EPM2A: variants seen among roughly 807,000 people sequenced by gnomAD.
EPM2A encodes the protein EPM2A glucan phosphatase, laforin, also known as laforin.
EPM2A carries 21 observed loss-of-function variants against 26.5 expected under a neutral mutation model. The observed-to-expected ratio is 0.79, with a 90% CI of 0.56 to 1.14. The LOEUF (loss-of-function observed/expected upper bound fraction) is 1.14, where lower values mean the gene tolerates loss of function less well. EPM2A is among the 50% of genes most tolerant of loss of function. EPM2A has a pLI of 0.00. For missense variants in EPM2A, 458 were observed against 440.8 expected, an observed-to-expected ratio of 1.04 and a Z score of -0.35; for synonymous variants, 217 against 177.6, an observed-to-expected ratio of 1.22 and a Z score of -1.76.
At chr6:145,668,077 G>A (rs995669730) in intron 2 of EPM2A, among the ~76,000 whole-genome samples, 2 of 149,868 alleles carry the variant, frequency 1.3e-5, no homozygotes, top group African/African-American at 4.9e-5. Flanking sequence ...TGACGAGTTA[G>A]TGGGTGCAGC....
intron 2 of EPM2A, among the ~76,000 whole-genome samples, chr6:145,550,362 TGAAAAGGG>T (rs1031483583): frequency 6.6e-6 from 1 of 151,980 alleles, no homozygotes; most frequent in Non-Finnish European, 1.5e-5. Flanking sequence ...CTCTCTCCTA[TGAAAAGGG>T]GATATAAGCT....
chr6:145,662,930 C>G (rs1213758473), intron 2 of EPM2A, among the ~76,000 whole-genome samples: 4 of 152,154 alleles, frequency 2.6e-5, no homozygotes, highest in Non-Finnish European at 5.9e-5. Flanking sequence ...TGTCAAAATA[C>G]AATCTTAAGA....
intron 4 of EPM2A, among the ~76,000 whole-genome samples, chr6:145,444,511 G>T (rs1350861263): frequency 6.6e-6 from 1 of 152,140 alleles, no homozygotes; most frequent in African/African-American, 2.4e-5. Flanking sequence ...GTTTGCATCA[G>T]TGTTCATCAA....
At chr6:145,680,641 GT>G (rs746592091) in intron 2 of EPM2A, among the ~76,000 whole-genome samples, 50 of 142,394 alleles carry the variant, frequency 3.5e-4, no homozygotes, top group Non-Finnish European at 5.6e-4. Flanking sequence ...AACATGTGGT[GT>G]TTGGTTTTTT....
intron 2 of EPM2A, among the ~76,000 whole-genome samples, chr6:145,582,232 T>C (rs1403848487): frequency 1.3e-5 from 2 of 152,240 alleles, no homozygotes; most frequent in Admixed American, 6.5e-5. Context: ...TTAATTTCCA[T>C]GTTATTGTAT....
chr6:145,426,593 T>C (rs554365773), intron 4 of EPM2A, among the ~76,000 whole-genome samples: 20 of 152,186 alleles, frequency 1.3e-4, no homozygotes, highest in Non-Finnish European at 2.8e-4. Flanking sequence ...AAGAGAAATA[T>C]ACATACCTGT....
chr6:145,551,649 G>A (rs1196980393), intron 2 of EPM2A, among the ~76,000 whole-genome samples: 2 of 152,000 alleles, frequency 1.3e-5, no homozygotes, highest in African/African-American at 4.8e-5. Context: ...TGAGTTGGTT[G>A]TGTCACTCAG....
At chr6:145,523,326 T>C (rs1562368777) in intron 2 of EPM2A, among the ~76,000 whole-genome samples, 1 of 152,190 alleles carries the variant, frequency 6.6e-6, no homozygotes, top group Non-Finnish European at 1.5e-5. Flanking sequence ...CATATTTTGC[T>C]TTATTGTGTT....
At chr6:145,724,100 G>T (rs973292118) in intron 1 of EPM2A, among the ~76,000 whole-genome samples, 1 of 152,044 alleles carries the variant, frequency 6.6e-6, no homozygotes, top group African/African-American at 2.4e-5. Context: ...TAATAGTGGG[G>T]CTGCACTAAC....
chr6:145,703,713 C>A (rs1479464221), intron 1 of EPM2A, among the ~76,000 whole-genome samples: 1 of 152,114 alleles, frequency 6.6e-6, no homozygotes, highest in Non-Finnish European at 1.5e-5. Flanking sequence ...CCATTACTTA[C>A]CTCAAAACCT....
chr6:145,411,027 T>A (rs1299670336), intron 4 of EPM2A, among the ~76,000 whole-genome samples: 1 of 152,102 alleles, frequency 6.6e-6, no homozygotes, highest in Non-Finnish European at 1.5e-5. Context: ...AGATATGAGA[T>A]AAAAGAAGCT....
intron 2 of EPM2A, among the ~76,000 whole-genome samples, chr6:145,572,164 C>T (rs973647311): frequency 1.3e-5 from 2 of 152,210 alleles, no homozygotes; most frequent in African/African-American, 4.8e-5. Flanking sequence ...CCCTTTATCA[C>T]TGTCCTTCAG....
chr6:145,624,436 C>T (rs947611571), downstream of EPM2A, among the ~76,000 whole-genome samples: 2 of 152,204 alleles, frequency 1.3e-5, no homozygotes, highest in African/African-American at 4.8e-5. Flanking sequence ...ACTTCTTACC[C>T]ACTAACAATA....
intron 4 of EPM2A, among the ~76,000 whole-genome samples, chr6:145,421,960 G>A (rs1038157212): frequency 6.7e-6 from 1 of 149,324 alleles, no homozygotes; most frequent in Non-Finnish European, 1.5e-5. Context: ...TATATAAAGT[G>A]AAAACTGATG....
At chr6:145,507,551 GA>G (rs1419281886) in intron 2 of EPM2A, among the ~76,000 whole-genome samples, 1 of 152,160 alleles carries the variant, frequency 6.6e-6, no homozygotes, top group Non-Finnish European at 1.5e-5. Context: ...GAGACACTGG[GA>G]AAAAACTGCA....
At chr6:145,396,265 C>T (rs1778404097) in intron 4 of EPM2A, among the ~76,000 whole-genome samples, 1 of 152,094 alleles carries the variant, frequency 6.6e-6, no homozygotes, top group South Asian at 2.1e-4. Context: ...AACCCACTAC[C>T]CCTCCTTCTT....
chr6:145,433,166 T>C (rs1778943244), intron 4 of EPM2A, among the ~76,000 whole-genome samples: 1 of 152,206 alleles, frequency 6.6e-6, no homozygotes, highest in Admixed American at 6.5e-5. Flanking sequence ...GCATTTTAAT[T>C]TCCTTCAAGA....
intron 2 of EPM2A, among the ~76,000 whole-genome samples, chr6:145,543,934 T>C (rs1186307282): frequency 6.6e-6 from 1 of 152,222 alleles, no homozygotes; most frequent in Non-Finnish European, 1.5e-5. Context: ...GGATGTTGTA[T>C]TTCTCAACTT....
At chr6:145,400,460 G>T (rs539926943) in intron 4 of EPM2A, among the ~76,000 whole-genome samples, 1 of 152,076 alleles carries the variant, frequency 6.6e-6, no homozygotes. Context: ...TTCTACTGAT[G>T]ATTTCCATCA....
Sources: gnomAD v4.1 joint callset for allele counts (sites outside exome capture counted in the v4.1 genomes callset) on GRCh38, gnomAD v4.1.1 for gene constraint, MANE v1.5 for transcripts, NCBI Gene and HGNC (gene_info 2026-07-23, HGNC 2026-07-21) for gene names.